The following ATP6V0A1 variants were observed in gnomAD, a reference collection of about 807,000 sequenced individuals.
The protein encoded by ATP6V0A1 is V-type proton ATPase 116 kDa subunit a 1.
In ATP6V0A1, 43 loss-of-function variants were observed where a neutral mutation model predicts 105.4. The ratio of observed to expected loss-of-function variants is 0.41; its 90% CI spans 0.32 to 0.53. ATP6V0A1 has a LOEUF of 0.53. Ranked by LOEUF, ATP6V0A1 falls within the 20% of genes least tolerant of loss-of-function variation. The probability of loss-of-function intolerance (pLI) is 0.30; values close to 1 mark genes in which losing one functional copy is unlikely to be tolerated. For missense variants in ATP6V0A1, 676 were observed against 1,051.1 expected, an observed-to-expected ratio of 0.64 and a Z score of 4.93; for synonymous variants, 362 against 372.8, an observed-to-expected ratio of 0.97 and a Z score of 0.33.
chr17:42,482,735 A>G (rs1488781640), intron 8 of ATP6V0A1, among the ~76,000 whole-genome samples: 1 of 151,818 alleles, frequency 6.6e-6, no homozygotes, highest in Non-Finnish European at 1.5e-5. Flanking sequence ...TGTCTCTAGT[A>G]AAAATACAAA....
In ATP6V0A1 at chr17:42,522,371, CTGGGCTGGCCCTGGGCGGGGCCACTG is replaced by C. The variant is rs1227167682; in HGVS notation, c.*1254_*1279del. 1.3e-5 allele frequency: 2 copies of C among 152,714 alleles called. No individual in the cohort carries two copies. Among genetic ancestry groups the C allele is most frequent in the Non-Finnish European group, 2.9e-5 (2 of 68,328 alleles). The allele number at this position is 152,714 out of a possible 1,614,324, so 9.5% of individuals were successfully genotyped here. A position where few individuals can be genotyped will look rare whatever the true frequency, so the allele number is the denominator to read the frequency against. ...TGGAGCCCTCATCCCCTCTCCCAGG[CTGGGCTGGCCCTGGGCGGGGCCACTG>C]TGTGCTGGCCCACTGTGACCTGACC... is the stretch of plus-strand genomic sequence containing the variant. On this transcript the variant is annotated 3_prime_UTR_variant, in exon 22 of 22. Transcript: ENST00000343619.
At chr17:42,500,170 T>G (rs2091553600) in intron 15 of ATP6V0A1, among the ~76,000 whole-genome samples, 1 of 151,874 alleles carries the variant, frequency 6.6e-6, no homozygotes, top group African/African-American at 2.4e-5. Flanking sequence ...GGGATGGTAT[T>G]GGAGCCGTTC....
intron 15 of ATP6V0A1, among the ~76,000 whole-genome samples, chr17:42,500,236 T>C (rs1599002916): frequency 6.6e-6 from 1 of 152,288 alleles, no homozygotes; most frequent in Middle Eastern, 3.4e-3. Flanking sequence ...TCCTGCACTT[T>C]GGGAGGCCAA....
intron 5 of ATP6V0A1, among the ~76,000 whole-genome samples, chr17:42,477,064 G>A (rs1179129026): frequency 6.6e-6 from 1 of 152,206 alleles, no homozygotes; most frequent in South Asian, 2.1e-4. Context: ...TGGAAACGTA[G>A]ATACCTGGAG....
At position 42,460,960 on chromosome 17, in the gene ATP6V0A1, T is replaced by C; in HGVS notation, c.66T>C (p.Ala22=). 6.2e-7 allele frequency: 1 copy of C among 1,614,102 alleles called. No homozygotes were observed. The highest frequency in any genetic ancestry group is 8.5e-7 in the Non-Finnish European group (1 of 1,179,982). ...LAQLFLQSEA[A]YCCVSELGEL... ...AGCTTTTTCTACAGTCAGAGGCTGC[T>C]TATTGTTGTGTCAGTGAATTAGGAG... The change falls in exon 2 of 22, where the codon GCT becomes GCC. Residue 22 remains alanine (A), a synonymous_variant. Coordinates refer to ENST00000343619, the MANE Select transcript of ATP6V0A1 (RefSeq NM_001130021.3).
intron 14 of ATP6V0A1, among the ~76,000 whole-genome samples, chr17:42,498,456 C>A (rs2091383905): frequency 6.6e-6 from 1 of 151,956 alleles, no homozygotes; most frequent in African/African-American, 2.4e-5. Context: ...GTGATAGGTG[C>A]CTGGGAGTTT....
chr17:42,512,614 C>A (rs1043537841), intron 19 of ATP6V0A1, among the ~76,000 whole-genome samples: 2 of 152,174 alleles, frequency 1.3e-5, no homozygotes, highest in Non-Finnish European at 2.9e-5. Flanking sequence ...GAGGGAGAAG[C>A]AGACGTTCGC....
chr17:42,479,744 T>G (rs1487652133), intron 7 of ATP6V0A1, among the ~76,000 whole-genome samples: 1 of 152,130 alleles, frequency 6.6e-6, no homozygotes, highest in East Asian at 1.9e-4. Context: ...GGGGTGTAGT[T>G]TCACAATCTT....
At chr17:42,503,299 G>A (rs1335453369) in intron 17 of ATP6V0A1, among the ~76,000 whole-genome samples, 4 of 152,212 alleles carry the variant, frequency 2.6e-5, no homozygotes, top group African/African-American at 4.8e-5. Flanking sequence ...TTAGAGTGAT[G>A]CTTGGACATT....
chr17:42,511,697 G>A (rs553139407), intron 19 of ATP6V0A1, among the ~76,000 whole-genome samples: 16 of 152,196 alleles, frequency 1.1e-4, no homozygotes, highest in African/African-American at 2.9e-4. Flanking sequence ...GGCCAGGCGC[G>A]GGGGCTCACG....
Position 42,487,262 on chromosome 17 carries a change from C to G in ATP6V0A1, c.918C>G (p.Thr306=). 6.2e-7 allele frequency: 1 copy of G among 1,614,142 alleles called. No homozygotes were observed. Among genetic ancestry groups the G allele is most frequent in the South Asian group, 1.1e-5 (1 of 91,082 alleles). Residue 306 remains threonine (T), a synonymous_variant, in exon 10 of 22, where the codon ACC becomes ACG. Transcript: ENST00000343619. Reference sequence around the variant, plus strand: ...GGAAGATGAAGGCCATCTATCACACCCTGAACCTGTGCAACATAGATGTGA... The same window carrying G: ...GGAAGATGAAGGCCATCTATCACACGCTGAACCTGTGCAACATAGATGTGA... ...KVRKMKAIYH[T]LNLCNIDVTQ... is the part of the protein sequence containing the mutation.
intron 14 of ATP6V0A1, chr17:42,495,955 C>T: frequency 2.7e-6 from 1 of 364,104 alleles, no homozygotes. Context: ...GCCTGTAGTC[C>T]CAGCTACCCG....
At chr17:42,487,610 C>T in intron 10 of ATP6V0A1, among the ~76,000 whole-genome samples, 2 of 152,090 alleles carry the variant, frequency 1.3e-5, no homozygotes, top group East Asian at 3.8e-4. Context: ...CGCCTGTAGT[C>T]CCAGCTACTC....
rs1379431275 is a variant in ATP6V0A1, at chr17:42,487,735, AAAAAT to A, written c.1023+371_1023+375del. Among the ~76,000 whole-genome samples, 8 of 152,058 alleles carry A rather than the reference AAAAAT, an allele frequency of 5.3e-5. No homozygotes were observed. The East Asian group carries it at 1.4e-3, about 26-fold the overall frequency. The stretch of plus-strand genomic sequence containing the variant: ...AGAGCGAGACTCTGTCTCAAAAAAA[AAAAAT>A]AATAATAAAAAATAAATAAATAGTA... On this transcript the variant is annotated intron_variant, in intron 10 of 21. Transcript: ENST00000343619.
chr17:42,487,601 G>A (rs1034801097), intron 10 of ATP6V0A1, among the ~76,000 whole-genome samples: 4 of 152,054 alleles, frequency 2.6e-5, no homozygotes, highest in Admixed American at 6.6e-5. Context: ...GTTGGCAGGC[G>A]CCTGTAGTCC....
At chr17:42,470,043 A>G (rs1280333784) in intron 4 of ATP6V0A1, 47 bp from the exon 5 acceptor site, 8 of 1,519,036 alleles carry the variant, frequency 5.3e-6, no homozygotes, top group Non-Finnish European at 7.1e-6. Context: ...TGTCTTTCAG[A>G]GCAAACATAT....
intron 11 of ATP6V0A1, among the ~76,000 whole-genome samples, chr17:42,492,748 G>C (rs1001889875): frequency 6.7e-6 from 1 of 149,254 alleles, no homozygotes; most frequent in Admixed American, 6.7e-5. Flanking sequence ...GGGCGTGGTG[G>C]TTCATGCCTG....
intron 5 of ATP6V0A1, among the ~76,000 whole-genome samples, chr17:42,475,751 G>T (rs997235288): frequency 7.9e-5 from 12 of 152,180 alleles, no homozygotes; most frequent in Non-Finnish European, 1.8e-4. Context: ...TTAAAAATTT[G>T]TAACTTTTCT....
At chr17:42,475,636 T>G (rs2088632743) in intron 5 of ATP6V0A1, among the ~76,000 whole-genome samples, 1 of 152,176 alleles carries the variant, frequency 6.6e-6, no homozygotes, top group Non-Finnish European at 1.5e-5. Context: ...ACCCCTGCTC[T>G]AAGATTTAGA....
Sources: allele counts gnomAD v4.1 joint callset (sites outside exome capture counted in the v4.1 genomes callset), GRCh38; gene constraint gnomAD v4.1.1; transcripts MANE v1.5; gene names NCBI Gene and HGNC (gene_info 2026-07-23, HGNC 2026-07-21).